USH2A: variants seen among roughly 807,000 people sequenced by gnomAD.
The protein encoded by USH2A is Usher syndrome 2A (autosomal recessive, mild).
In USH2A, 443 loss-of-function variants were observed where a neutral mutation model predicts 538.9. The observed-to-expected ratio is 0.82, with a 90% CI of 0.76 to 0.89. The LOEUF (loss-of-function observed/expected upper bound fraction) is 0.89, where lower values mean the gene tolerates loss of function less well. USH2A is among the 40% of genes least tolerant of loss of function. USH2A has a pLI of 0.00. For missense variants in USH2A, 6,633 were observed against 6,324.8 expected (o/e 1.05, Z -1.65); for synonymous variants, 2,413 against 2,273.5 (o/e 1.06, Z -1.75).
chr1:216,091,930 G>A (rs1363282200), intron 22 of USH2A, among the ~76,000 whole-genome samples: 1 of 152,100 alleles, frequency 6.6e-6, no homozygotes, highest in African/African-American at 2.4e-5. Context: ...GGTGTCTCAT[G>A]TCTGTAATCC....
At position 216,307,812 on chromosome 1, in the gene USH2A, C is replaced by T. The variant is rs893033305; in HGVS notation, c.1644+14071G>A. ...GTTCAGCTCTCTAAGTTTGTCTCAG[C>T]TCCAGGTAAGGCCAAATCCATCACC... On this transcript the variant is annotated intron_variant, in intron 9 of 71. Coordinates refer to ENST00000307340, the MANE Select transcript of USH2A (RefSeq NM_206933.4). 2.8e-4 allele frequency among the ~76,000 whole-genome samples: 43 copies of T among 152,158 alleles called. 1 individual carries two copies. Among genetic ancestry groups the T allele is most frequent in the African/African-American group, 9.4e-4 (39 of 41,438 alleles).
At chr1:215,916,190 T>C (rs1665948577) in intron 38 of USH2A, among the ~76,000 whole-genome samples, 1 of 151,558 alleles carries the variant, frequency 6.6e-6, no homozygotes, top group Non-Finnish European at 1.5e-5. Flanking sequence ...AGTATAATAA[T>C]AATAAAATAA....
intron 60 of USH2A, among the ~76,000 whole-genome samples, chr1:215,739,138 G>A (rs1229917596): frequency 6.6e-6 from 1 of 152,180 alleles, no homozygotes; most frequent in Non-Finnish European, 1.5e-5. Context: ...ATGTATCTAT[G>A]TCAGTCAGTG....
intron 61 of USH2A, among the ~76,000 whole-genome samples, chr1:215,692,421 T>A (rs1041340654): frequency 1.1e-4 from 16 of 151,288 alleles, no homozygotes; most frequent in African/African-American, 3.7e-4. Context: ...GAGGTAGAGA[T>A]TGATGACTCA....
intron 21 of USH2A, among the ~76,000 whole-genome samples, chr1:216,133,321 C>A (rs1380547575): frequency 6.6e-6 from 1 of 152,054 alleles, no homozygotes. Flanking sequence ...TAGTTTATGT[C>A]AAGAGGATCA....
At chr1:215,875,331 T>C (rs1664735806) in intron 43 of USH2A, among the ~76,000 whole-genome samples, 1 of 152,066 alleles carries the variant, frequency 6.6e-6, no homozygotes, top group Non-Finnish European at 1.5e-5. Flanking sequence ...AGCTGTTATT[T>C]TAATAAATAA....
chr1:216,349,339 G>T (rs1403689924), intron 4 of USH2A, among the ~76,000 whole-genome samples: 2 of 151,998 alleles, frequency 1.3e-5, no homozygotes, highest in East Asian at 3.9e-4. Flanking sequence ...GGGGGTAATT[G>T]TCAGGGGCTT....
chr1:216,035,622 T>C (rs927664450), intron 32 of USH2A, among the ~76,000 whole-genome samples: 7 of 152,152 alleles, frequency 4.6e-5, no homozygotes, highest in Non-Finnish European at 1.0e-4. Context: ...TTTGTATATA[T>C]TTGCTATATA....
chr1:215,703,476 T>G (rs1164483600), intron 61 of USH2A, among the ~76,000 whole-genome samples: 1 of 152,184 alleles, frequency 6.6e-6, no homozygotes, highest in East Asian at 1.9e-4. Context: ...AGTTCCTGAC[T>G]GGGGCTGCTG....
intron 61 of USH2A, among the ~76,000 whole-genome samples, chr1:215,686,729 C>T (rs2820688): frequency 0.12 from 18,324 of 152,042 alleles, 1,282 homozygotes; most frequent in Non-Finnish European, 0.15. Flanking sequence ...AATAATAAAT[C>T]TGCCAGGAAT....
At chr1:215,680,787 G>T (rs1658202101) in intron 61 of USH2A, among the ~76,000 whole-genome samples, 1 of 152,060 alleles carries the variant, frequency 6.6e-6, no homozygotes, top group Admixed American at 6.6e-5. Context: ...AATATTAAGG[G>T]TTTGGAGAGT....
chr1:216,238,213 T>C (rs1042152051), intron 13 of USH2A, among the ~76,000 whole-genome samples: 1 of 152,178 alleles, frequency 6.6e-6, no homozygotes, highest in African/African-American at 2.4e-5. Flanking sequence ...ACAAAACATG[T>C]CATAGGAAGC....
At chr1:216,190,828 T>C (rs1398962348) in intron 19 of USH2A, among the ~76,000 whole-genome samples, 9 of 151,948 alleles carry the variant, frequency 5.9e-5, no homozygotes, top group Non-Finnish European at 1.5e-5. Context: ...TCATTTTCTT[T>C]ATGAAAAAAA....
chr1:216,091,100 T>A (rs1252838585), intron 22 of USH2A, among the ~76,000 whole-genome samples: 1 of 152,194 alleles, frequency 6.6e-6, no homozygotes, highest in African/African-American at 2.4e-5. Context: ...CAATTTAGAA[T>A]ATCATTTTTT....
chr1:215,939,924 C>T (rs776186261), intron 37 of USH2A, among the ~76,000 whole-genome samples: 1 of 152,054 alleles, frequency 6.6e-6, no homozygotes, highest in Non-Finnish European at 1.5e-5. Context: ...CAAAGGTCAG[C>T]GTAGTCCTGT....
rs878853403 is a variant in USH2A, at chr1:216,048,593, C to T, written c.6104G>A (p.Cys2035Tyr). Residue 2035 changes from cysteine (C) to tyrosine (Y), a missense_variant, in exon 31 of 72, where the codon TGC becomes TAC. By Grantham distance (194) the Cys-to-Tyr change is radical. Transcript: ENST00000307340. ...FKNYAVTLTA[C>Y]TLAGCTESSH... ...GCTCTCAGTACAGCCAGCCAAAGTG[C>T]AAGCAGTTAGGGTTACTGCATAGTT... The T allele has an allele frequency of 3.7e-6, 6 of 1,614,060 alleles. No homozygotes were observed. Among genetic ancestry groups the T allele is most frequent in the Non-Finnish European group, 5.1e-6 (6 of 1,179,988 alleles).
intron 32 of USH2A, among the ~76,000 whole-genome samples, chr1:216,021,890 G>A (rs1668852575): frequency 6.6e-6 from 1 of 152,116 alleles, no homozygotes; most frequent in Non-Finnish European, 1.5e-5. Flanking sequence ...CAACATTGAG[G>A]CTGAGCCTTT....
intron 9 of USH2A, among the ~76,000 whole-genome samples, chr1:216,314,273 G>A (rs577101261): frequency 1.8e-4 from 27 of 151,812 alleles, no homozygotes; most frequent in African/African-American, 5.6e-4. Flanking sequence ...CCTATCTCAC[G>A]GAAAGAACTA....
chr1:216,072,684 G>C, intron 29 of USH2A: 3 of 612,562 alleles, frequency 4.9e-6, no homozygotes, highest in Middle Eastern at 4.5e-4. Context: ...GTCTGAGCAA[G>C]TATTTAGTGA....
Sources: allele counts gnomAD v4.1 joint callset (sites outside exome capture counted in the v4.1 genomes callset), GRCh38; gene constraint gnomAD v4.1.1; transcripts MANE v1.5; gene names NCBI Gene and HGNC (gene_info 2026-07-23, HGNC 2026-07-21).